The following USP33 variants were observed in gnomAD, a reference collection of about 807,000 sequenced individuals.
The protein encoded by USP33 is ubiquitin carboxyl-terminal hydrolase 33.
Under a neutral mutation model 124.2 loss-of-function variants are expected in USP33, and 46 were observed. The ratio of observed to expected loss-of-function variants is 0.37; its 90% CI spans 0.29 to 0.47. The LOEUF (loss-of-function observed/expected upper bound fraction) is 0.47, where lower values mean the gene tolerates loss of function less well. USP33 is among the 20% of genes least tolerant of loss of function. The pLI is 0.99. For missense variants in USP33, 851 were observed against 1,070.6 expected (o/e 0.79, Z 2.86); for synonymous variants, 350 against 352.3 (o/e 0.99, Z 0.07).
rs115163428 is a variant in USP33, at chr1:77,707,159, G to C, written c.2406+4588C>G. On this transcript the variant is annotated intron_variant, in intron 21 of 23. Coordinates refer to ENST00000370794, the MANE Select transcript of USP33 (RefSeq NM_201624.3). ...GATTATACCCACTGTGTTAGTTTCAGAGGGATGCTATAACAAAATGCCACA... is the reference window on the plus strand; with the variant it reads ...GATTATACCCACTGTGTTAGTTTCACAGGGATGCTATAACAAAATGCCACA... Among the ~76,000 whole-genome samples, 625 of 152,340 alleles carry C rather than the reference G, an allele frequency of 4.1e-3. 3 individuals are homozygous for C. Among genetic ancestry groups the C allele is most frequent in the African/African-American group, 0.014 (591 of 41,582 alleles).
chr1:77,728,861 G>A, intron 9 of USP33, 149 bp from the exon 10 acceptor site: 2 of 810,946 alleles, frequency 2.5e-6, no homozygotes, highest in East Asian at 2.7e-5. Flanking sequence ...TAAGGCACTA[G>A]ATAAATGAGA....
chr1:77,744,477 C>A (rs1376422637), intron 1 of USP33, among the ~76,000 whole-genome samples: 1 of 152,120 alleles, frequency 6.6e-6, no homozygotes, highest in Non-Finnish European at 1.5e-5. Context: ...AAACTCAGCA[C>A]AAAACACACA....
chr1:77,721,774 C>T (rs1676586194), intron 14 of USP33, 57 bp downstream of exon 14: 3 of 1,450,210 alleles, frequency 2.1e-6, no homozygotes, highest in African/African-American at 1.4e-5. Flanking sequence ...TTATTTAGTC[C>T]CACTAGTATT....
At chr1:77,727,129 ATAAAGT>A (rs1340013842) in intron 10 of USP33, among the ~76,000 whole-genome samples, 1 of 152,230 alleles carries the variant, frequency 6.6e-6, no homozygotes, top group East Asian at 1.9e-4. Flanking sequence ...TCTGAAGGGA[ATAAAGT>A]TAATGAGATT....
intron 1 of USP33, among the ~76,000 whole-genome samples, chr1:77,744,146 A>T (rs1679474197): frequency 6.6e-6 from 1 of 152,008 alleles, no homozygotes; most frequent in African/African-American, 2.4e-5. Flanking sequence ...AAAGTTCAAA[A>T]AGAAGTCTTA....
At position 77,759,328 on chromosome 1, in the gene USP33, C is replaced by T. The variant is rs947129225; in HGVS notation, c.-52+315G>A. ...GGGGAGACCGAGGAAGGGAGCAGAG[C>T]CCCCGCTTCTCGGGCTCACCTGCAC... On this transcript the variant is annotated intron_variant, in intron 1 of 23. Coordinates refer to ENST00000370794, the MANE Select transcript of USP33 (RefSeq NM_201624.3). The T allele has an allele frequency of 3.5e-5, 12 of 346,316 alleles. No homozygotes were observed. In the Admixed American group the frequency reaches 3.8e-4, roughly 11 times the overall value. 21.5% of individuals were successfully genotyped at this position (346,316 alleles called of 1,614,324 possible).
intron 1 of USP33, among the ~76,000 whole-genome samples, chr1:77,753,858 G>GTA (rs1190864230): frequency 6.7e-6 from 1 of 149,986 alleles, no homozygotes; most frequent in African/African-American, 2.4e-5. Context: ...TTATATATTA[G>GTA]TATATATAAA....
In USP33 at chr1:77,697,199, G is replaced by A. The variant is rs543016653; in HGVS notation, c.*118C>T. ...TAATGCCCACTAAGAAGAAATAAATGGGATAAATGATGAAAAAAAATAAAG... is the reference window on the plus strand; with the variant it reads ...TAATGCCCACTAAGAAGAAATAAATAGGATAAATGATGAAAAAAAATAAAG... On this transcript the variant is annotated 3_prime_UTR_variant, in exon 24 of 24. Coordinates refer to ENST00000370794, the MANE Select transcript of USP33 (RefSeq NM_201624.3). 89 of 958,456 alleles carry A rather than the reference G, an allele frequency of 9.3e-5. 1 individual carries two copies. The South Asian group carries it at 2.0e-3, about 21-fold the overall frequency. 59.4% of individuals were successfully genotyped at this position (958,456 alleles called of 1,614,324 possible). A position where few individuals can be genotyped will look rare whatever the true frequency, so the allele number is the denominator to read the frequency against.
intron 21 of USP33, among the ~76,000 whole-genome samples, chr1:77,709,882 TACACACACACAC>T (rs35770178): frequency 1.4e-5 from 2 of 144,794 alleles, no homozygotes; most frequent in Non-Finnish European, 3.1e-5. Flanking sequence ...TGCATACACA[TACACACACACAC>T]ACACACACAC....
At chr1:77,729,808 A>G in intron 9 of USP33, 52 bp downstream of exon 9, 2 of 1,578,736 alleles carry the variant, frequency 1.3e-6, no homozygotes, top group Non-Finnish European at 1.7e-6. Flanking sequence ...ACATAATGGC[A>G]TTTTCCAAAT....
intron 8 of USP33, 22 bp downstream of exon 8, chr1:77,730,595 GA>G: frequency 7.0e-7 from 1 of 1,434,844 alleles, no homozygotes; most frequent in East Asian, 2.4e-5. Flanking sequence ...TAATAAAGAA[GA>G]AGAGTATATT....
intron 21 of USP33, among the ~76,000 whole-genome samples, chr1:77,709,882 T>TATACACAC (rs1553190682): frequency 2.1e-5 from 3 of 144,892 alleles, no homozygotes; most frequent in South Asian, 4.4e-4. Flanking sequence ...TGCATACACA[T>TATACACAC]ACACACACAC....
chr1:77,752,850 G>A (rs774461806), intron 1 of USP33, among the ~76,000 whole-genome samples: 1 of 151,342 alleles, frequency 6.6e-6, no homozygotes, highest in Non-Finnish European at 1.5e-5. Context: ...GGCCGAGGCC[G>A]GTGGATCACC....
At chr1:77,747,240 CTTTTT>C (rs752560478) in intron 1 of USP33, among the ~76,000 whole-genome samples, 9 of 103,874 alleles carry the variant, frequency 8.7e-5, no homozygotes, top group African/African-American at 2.1e-4. Context: ...GGCTTCTGGG[CTTTTT>C]TTTTTTTTTT....
At chr1:77,743,004 G>A (rs186971570) in intron 1 of USP33, among the ~76,000 whole-genome samples, 24 of 151,954 alleles carry the variant, frequency 1.6e-4, no homozygotes, top group African/African-American at 2.2e-4. Flanking sequence ...GTGCAATGGC[G>A]TGATCTCAGC....
intron 1 of USP33, among the ~76,000 whole-genome samples, chr1:77,746,103 T>G (rs1323625473): frequency 6.6e-6 from 1 of 152,030 alleles, no homozygotes; most frequent in Non-Finnish European, 1.5e-5. Flanking sequence ...GCTGGTTTTT[T>G]GAAAAGATCA....
chr1:77,752,632 T>C (rs1253603485), intron 1 of USP33, among the ~76,000 whole-genome samples: 2 of 152,200 alleles, frequency 1.3e-5, no homozygotes, highest in Non-Finnish European at 2.9e-5. Flanking sequence ...ATAAGATTAA[T>C]ATGAATGCAG....
At chr1:77,714,222 G>A (rs1570756712) in intron 19 of USP33, among the ~76,000 whole-genome samples, 1 of 152,094 alleles carries the variant, frequency 6.6e-6, no homozygotes, top group African/African-American at 2.4e-5. Flanking sequence ...ATAGTCGATA[G>A]ATAAAATCAC....
intron 1 of USP33, among the ~76,000 whole-genome samples, chr1:77,744,491 T>A (rs902897415): frequency 6.6e-6 from 1 of 152,080 alleles, no homozygotes; most frequent in African/African-American, 2.4e-5. Flanking sequence ...ACACACAAAC[T>A]ACACCATGTA....
Sources: gnomAD v4.1 joint callset for allele counts (sites outside exome capture counted in the v4.1 genomes callset) on GRCh38, gnomAD v4.1.1 for gene constraint, MANE v1.5 for transcripts, NCBI Gene and HGNC (gene_info 2026-07-23, HGNC 2026-07-21) for gene names.